Variants in ARK2C observed in about 807,000 individuals in gnomAD.
ARK2C encodes E3 ubiquitin-protein ligase ARK2C.
At chr18:46,364,108 C>T in the ARK2C span, among the ~76,000 whole-genome samples, 15 of 151,480 alleles carry the variant, frequency 9.9e-5, no homozygotes, top group East Asian at 5.8e-4. Flanking sequence ...CCACCATGTC[C>T]GGCTAATTTT....
At chr18:46,400,902 T>A in the ARK2C span, among the ~76,000 whole-genome samples, 1 of 152,100 alleles carries the variant, frequency 6.6e-6, no homozygotes, top group Non-Finnish European at 1.5e-5. Context: ...ACTTACCCCC[T>A]TCAGGTGTAC....
chr18:46,439,539 C>CA, the ARK2C span, among the ~76,000 whole-genome samples: 1 of 152,122 alleles, frequency 6.6e-6, no homozygotes, highest in South Asian at 2.1e-4. Context: ...GGGACCACTT[C>CA]AATGTACACA....
chr18:46,390,010 G>A, the ARK2C span, among the ~76,000 whole-genome samples: 1 of 152,164 alleles, frequency 6.6e-6, no homozygotes. Flanking sequence ...CTATAGGCGT[G>A]AGCCACCATG....
the ARK2C span, chr18:46,456,631 A>G: frequency 6.2e-7 from 1 of 1,609,520 alleles, no homozygotes; most frequent in Non-Finnish European, 8.5e-7. Context: ...GGGAGCCGAC[A>G]GCTGAGGGAG....
chr18:46,434,964 A>G, the ARK2C span, among the ~76,000 whole-genome samples: 1 of 152,154 alleles, frequency 6.6e-6, no homozygotes, highest in African/African-American at 2.4e-5. Flanking sequence ...ATGGCCCACC[A>G]AGGACAGAGG....
At chr18:46,462,861 A>G in the ARK2C span, 1 of 152,162 alleles carries the variant, frequency 6.6e-6, no homozygotes, top group Non-Finnish European at 1.5e-5. Flanking sequence ...TCGAGGGGGT[A>G]ATTTTGTTGC....
chr18:46,426,254 T>G, the ARK2C span, among the ~76,000 whole-genome samples: 1 of 152,204 alleles, frequency 6.6e-6, no homozygotes, highest in East Asian at 1.9e-4. Context: ...GCTTCAAATT[T>G]CTACTTTGTT....
At chr18:46,341,009 C>CGTA in the ARK2C span, among the ~76,000 whole-genome samples, 1 of 152,118 alleles carries the variant, frequency 6.6e-6, no homozygotes, top group Admixed American at 6.5e-5. Flanking sequence ...ACAGAAAGTA[C>CGTA]GTAGCAGGAG....
the ARK2C span, among the ~76,000 whole-genome samples, chr18:46,376,057 G>A: frequency 4.6e-5 from 7 of 152,222 alleles, no homozygotes; most frequent in South Asian, 4.1e-4. Context: ...GAACAGGGCC[G>A]GGCCCGGGGT....
chr18:46,368,965 G>A, the ARK2C span, among the ~76,000 whole-genome samples: 5 of 152,218 alleles, frequency 3.3e-5, no homozygotes, highest in African/African-American at 1.2e-4. Flanking sequence ...TCATTTCTAT[G>A]TGCCAGGCAC....
chr18:46,428,176 C>T, the ARK2C span, among the ~76,000 whole-genome samples: 1 of 151,784 alleles, frequency 6.6e-6, no homozygotes, highest in South Asian at 2.1e-4. Flanking sequence ...GTTGGGAGGC[C>T]GAGGCTGGCG....
the ARK2C span, chr18:46,456,425 G>A: frequency 8.0e-6 from 7 of 877,108 alleles, no homozygotes; most frequent in African/African-American, 1.7e-5. Context: ...CTCCATAGCC[G>A]GGCAGTTCCC....
chr18:46,389,177 C>T, the ARK2C span, among the ~76,000 whole-genome samples: 2 of 152,160 alleles, frequency 1.3e-5, no homozygotes, highest in African/African-American at 4.8e-5. Flanking sequence ...CACAAGGAAA[C>T]AGGGAAACAT....
chr18:46,347,633 C>T, the ARK2C span, among the ~76,000 whole-genome samples: 19 of 152,114 alleles, frequency 1.2e-4, no homozygotes, highest in African/African-American at 4.3e-4. Context: ...TGTAATGTAC[C>T]CACCGTGAGT....
the ARK2C span, among the ~76,000 whole-genome samples, chr18:46,430,616 A>AACGTTTGCATCTTTTTTCCTCCC: frequency 6.6e-6 from 1 of 152,030 alleles, no homozygotes; most frequent in African/African-American, 2.4e-5. Flanking sequence ...GGGTTCCTTC[A>AACGTTTGCATCTTTTTTCCTCCC]ACGTTTGCAT....
chr18:46,445,567 CA>C, the ARK2C span, among the ~76,000 whole-genome samples: 6 of 152,166 alleles, frequency 3.9e-5, no homozygotes, highest in Non-Finnish European at 4.4e-5. Flanking sequence ...CTCTTCTCTC[CA>C]AATCATGGTA....
At chr18:46,450,541 G>A in the ARK2C span, 1 of 813,388 alleles carries the variant, frequency 1.2e-6, no homozygotes, top group Non-Finnish European at 2.1e-6. Flanking sequence ...GAGAAGAAGG[G>A]AGAGCCAGTA....
At chr18:46,384,486 G>T in the ARK2C span, among the ~76,000 whole-genome samples, 1 of 152,122 alleles carries the variant, frequency 6.6e-6, no homozygotes, top group African/African-American at 2.4e-5. Flanking sequence ...TTCCTCCCCT[G>T]AATCCCTTGC....
the ARK2C span, chr18:46,455,959 C>G: frequency 6.4e-7 from 1 of 1,561,220 alleles, no homozygotes; most frequent in Non-Finnish European, 8.8e-7. Context: ...ATACTACTCT[C>G]TCTGCTTCTC....
Sources: gnomAD v4.1 joint callset for allele counts (sites outside exome capture counted in the v4.1 genomes callset) on GRCh38, gnomAD v4.1.1 for gene constraint, MANE v1.5 for transcripts, NCBI Gene and HGNC (gene_info 2026-07-23, HGNC 2026-07-21) for gene names.